OTOGL: variants seen among roughly 807,000 people sequenced by gnomAD.
OTOGL encodes the protein otogelin like, also known as otogelin-like protein.
In OTOGL, 285 loss-of-function variants were observed where a neutral mutation model predicts 318.5. That is an observed-to-expected ratio of 0.89 (90% confidence interval 0.81 to 0.99). OTOGL has a LOEUF of 0.99. OTOGL is among the 50% of genes least tolerant of loss of function. The pLI is 0.00. For synonymous variants in OTOGL, 987 were observed against 936.5 expected (o/e 1.05, Z -0.99); for missense variants, 2,899 against 2,845.6 (o/e 1.02, Z -0.43).
intron 43 of OTOGL, among the ~76,000 whole-genome samples, chr12:80,340,760 C>T (rs1451208748): frequency 6.6e-6 from 1 of 152,140 alleles, no homozygotes; most frequent in Non-Finnish European, 1.5e-5. Flanking sequence ...GTTATCCAAA[C>T]AGGGTCTGAA....
At chr12:80,161,075 T>C (rs1398746284) in intron 1 of OTOGL, among the ~76,000 whole-genome samples, 1 of 151,980 alleles carries the variant, frequency 6.6e-6, no homozygotes, top group Non-Finnish European at 1.5e-5. Context: ...CTTTGGGGAC[T>C]CGGGGGAAAG....
At chr12:80,137,715 C>A (rs1209721594) in intron 1 of OTOGL, among the ~76,000 whole-genome samples, 2 of 152,150 alleles carry the variant, frequency 1.3e-5, no homozygotes, top group Non-Finnish European at 2.9e-5. Context: ...GGCACTCTTG[C>A]CTCATGTTTC....
chr12:80,263,475 C>G lies in OTOGL; in HGVS notation c.2014+1382C>G, dbSNP rs544158435. ...TTTCTATCACTTTTCTTCCCATATC[C>G]CATGTCTTTTAAATATATACATACA... On this transcript the variant is annotated intron_variant, in intron 19 of 58. Coordinates refer to ENST00000547103, the MANE Select transcript of OTOGL (RefSeq NM_001378609.3). Among the ~76,000 whole-genome samples, 5 of 151,902 alleles carry G rather than the reference C, an allele frequency of 3.3e-5. No individual in the cohort carries two copies. In the South Asian group the frequency reaches 1.0e-3, roughly 32 times the overall value.
intron 18 of OTOGL, among the ~76,000 whole-genome samples, chr12:80,260,465 G>C (rs984371824): frequency 6.6e-6 from 1 of 152,022 alleles, no homozygotes; most frequent in Non-Finnish European, 1.5e-5. Context: ...ACCAGTCCCC[G>C]CCACGTGTAA....
In OTOGL at chr12:80,155,376, T is replaced by C. The variant is rs142818085; in HGVS notation, c.-19-54037T>C. 1.1e-4 allele frequency among the ~76,000 whole-genome samples: 16 copies of C among 152,326 alleles called. No individual in the cohort carries two copies. The East Asian group carries it at 2.9e-3, about 28-fold the overall frequency. Reference sequence around the variant, plus strand: ...ACCCTATTCAAGGCTATCTGGGTTTTCTCCTATGTTATATATGTTATATTC... The same window carrying C: ...ACCCTATTCAAGGCTATCTGGGTTTCCTCCTATGTTATATATGTTATATTC... On this transcript the variant is annotated intron_variant, in intron 1 of 58. Transcript: ENST00000547103.
intron 1 of OTOGL, among the ~76,000 whole-genome samples, chr12:80,117,877 T>C (rs538157409): frequency 6.6e-6 from 1 of 152,330 alleles, no homozygotes; most frequent in African/African-American, 2.4e-5. Context: ...TACTGCTTTT[T>C]TCTTCTTCAA....
chr12:80,112,709 C>T (rs4503610), intron 1 of OTOGL, among the ~76,000 whole-genome samples: 82,522 of 139,732 alleles, frequency 0.59, 23,999 homozygotes, highest in African/African-American at 0.68. Context: ...AATTTTCTTT[C>T]TTTTTTTTTT....
chr12:80,283,938 C>T (rs146989310), intron 26 of OTOGL, among the ~76,000 whole-genome samples: 1,992 of 152,000 alleles, frequency 0.013, 39 homozygotes, highest in African/African-American at 0.046. Context: ...TATACGTGTG[C>T]CATGGTGGTT....
At chr12:80,144,215 C>T (rs1872167743) in intron 1 of OTOGL, among the ~76,000 whole-genome samples, 1 of 152,078 alleles carries the variant, frequency 6.6e-6, no homozygotes, top group Non-Finnish European at 1.5e-5. Context: ...ACTCCCCCCA[C>T]CCCACAACAG....
rs755202041 is a variant in OTOGL at position 80,342,190 on chromosome 12, C to T, written c.5265+28C>T. On this transcript the variant is annotated intron_variant, in intron 44 of 58. Coordinates refer to ENST00000547103, the MANE Select transcript of OTOGL (RefSeq NM_001378609.3). ...AAGTTGGAAGCAACCATAAATAATA[C>T]TTTCATGTTAGATATGTTGAGAGTA... 37 of 1,480,270 alleles carry T rather than the reference C, an allele frequency of 2.5e-5. No individual in the cohort carries two copies. In the African/African-American group the frequency reaches 4.6e-4, roughly 18 times the overall value. The allele number at this position is 1,480,270 out of a possible 1,614,324, so 91.7% of individuals were successfully genotyped here. A position where few individuals can be genotyped will look rare whatever the true frequency, so the allele number is the denominator to read the frequency against.
chr12:80,340,018 A>G (rs1037325048), intron 43 of OTOGL, among the ~76,000 whole-genome samples: 4 of 152,308 alleles, frequency 2.6e-5, no homozygotes, highest in Middle Eastern at 3.4e-3. Context: ...AGTGGACAGT[A>G]ATATCCATTT....
At chr12:80,340,746 G>A (rs1406553142) in intron 43 of OTOGL, among the ~76,000 whole-genome samples, 1 of 152,102 alleles carries the variant, frequency 6.6e-6, no homozygotes, top group Non-Finnish European at 1.5e-5. Flanking sequence ...TAGTGAGTAA[G>A]ACTGTTATCC....
Position 80,186,432 on chromosome 12 carries a change from G to A in OTOGL, c.-19-22981G>A, listed in dbSNP as rs183328175. Among the ~76,000 whole-genome samples, 14 of 152,118 alleles carry A rather than the reference G, an allele frequency of 9.2e-5. 2 individuals are homozygous for A. In the Middle Eastern group the frequency reaches 0.041, roughly 443 times the overall value. On this transcript the variant is annotated intron_variant, in intron 1 of 58. Coordinates refer to ENST00000547103, the MANE Select transcript of OTOGL (RefSeq NM_001378609.3). The stretch of plus-strand genomic sequence containing the variant: ...TCTCTTGTATTATTTTCCTGTCCAT[G>A]TTTCCCTCTGCTCTTTGGTCTCCCT...
chr12:80,175,977 C>G (rs141536473), intron 1 of OTOGL, among the ~76,000 whole-genome samples: 137 of 152,300 alleles, frequency 9.0e-4, no homozygotes, highest in Non-Finnish European at 1.6e-3. Flanking sequence ...ATGTCAGTGA[C>G]TGATTATAAA....
In OTOGL at chr12:80,126,399, A is replaced by G. The variant is rs571099213; in HGVS notation, c.-20+26794A>G. 1.1e-4 allele frequency among the ~76,000 whole-genome samples: 16 copies of G among 152,256 alleles called. No individual in the cohort carries two copies. The South Asian group carries it at 2.9e-3, about 28-fold the overall frequency. On this transcript the variant is annotated intron_variant, in intron 1 of 58. Coordinates refer to ENST00000547103, the MANE Select transcript of OTOGL (RefSeq NM_001378609.3). The stretch of plus-strand genomic sequence containing the variant: ...TTCTAGTTTGATTGCACTGTGGTCT[A>G]AGAGACAGTTTGTTATAATCTCTCT...
At chr12:80,231,112 C>T (rs1879319431) in intron 8 of OTOGL, among the ~76,000 whole-genome samples, 1 of 152,104 alleles carries the variant, frequency 6.6e-6, no homozygotes, top group African/African-American at 2.4e-5. Flanking sequence ...AATAGTACAA[C>T]TATACTTCCA....
Position 80,280,935 on chromosome 12 carries a change from A to AT in OTOGL, c.2928+1779dup, listed in dbSNP as rs879338389. On this transcript the variant is annotated intron_variant, in intron 26 of 58. Coordinates refer to ENST00000547103, the MANE Select transcript of OTOGL (RefSeq NM_001378609.3). ...TTCCTGGTTAGCTGTATACCTAGGT[A>AT]TTTTTTTTTTGTGTGTATGGCTATT... Among the ~76,000 whole-genome samples the AT allele has an allele frequency of 6.7e-3, 1,000 of 148,832 alleles. 1 individual carries two copies. The highest frequency in any genetic ancestry group is 0.011 in the Admixed American group (161 of 14,866).
intron 1 of OTOGL, among the ~76,000 whole-genome samples, chr12:80,205,678 A>T (rs552475057): frequency 1.3e-5 from 2 of 152,332 alleles, no homozygotes; most frequent in South Asian, 4.1e-4. Flanking sequence ...GATAAAATCT[A>T]TGAACTTGAA....
rs1384317399 is a variant in OTOGL, at chr12:80,378,939, T to G, written c.*891T>G. On this transcript the variant is annotated 3_prime_UTR_variant, in exon 59 of 59. Transcript: ENST00000547103. The stretch of plus-strand genomic sequence containing the variant: ...TAATTAAAACTGCTATTAAATGTGT[T>G]GTCAGTATTTAACATTTAGTTACTG... The G allele has an allele frequency of 6.6e-6, 1 of 152,462 alleles. No individual in the cohort carries two copies. Among genetic ancestry groups the G allele is most frequent in the African/African-American group, 2.4e-5 (1 of 41,434 alleles). The allele number at this position is 152,462 out of a possible 1,614,324, so 9.4% of individuals were successfully genotyped here.
Sources: gnomAD v4.1 joint callset for allele counts (sites outside exome capture counted in the v4.1 genomes callset) on GRCh38, gnomAD v4.1.1 for gene constraint, MANE v1.5 for transcripts, NCBI Gene and HGNC (gene_info 2026-07-23, HGNC 2026-07-21) for gene names.